Variants in MTCL1 observed in about 807,000 individuals in gnomAD.
The protein encoded by MTCL1 is microtubule crosslinking factor 1.
In MTCL1, 79 loss-of-function variants were observed where a neutral mutation model predicts 141.4. That is an observed-to-expected ratio of 0.56 (90% CI 0.47 to 0.67). The LOEUF is 0.67. Ranked by LOEUF, MTCL1 falls within the 30% of genes least tolerant of loss-of-function variation. The pLI is 0.00. For synonymous variants in MTCL1, 914 were observed against 875.8 expected (o/e 1.04, Z -0.77); for missense variants, 2,177 against 2,113.9 (o/e 1.03, Z -0.59).
chr18:8,787,883 T>C (rs2075573056), intron 7 of MTCL1, among the ~76,000 whole-genome samples: 1 of 152,230 alleles, frequency 6.6e-6, no homozygotes, highest in South Asian at 2.1e-4. Context: ...AGAAGCTGGA[T>C]GTGGATCTGT....
intron 10 of MTCL1, among the ~76,000 whole-genome samples, chr18:8,803,888 T>C (rs1337169985): frequency 6.6e-6 from 1 of 152,256 alleles, no homozygotes; most frequent in Non-Finnish European, 1.5e-5. Flanking sequence ...TGTACAGTTC[T>C]GATTCTAATG....
chr18:8,783,424 T>G, intron 5 of MTCL1, 106 bp from the exon 5 acceptor site: 2 of 1,031,650 alleles, frequency 1.9e-6, no homozygotes, highest in Non-Finnish European at 2.8e-6. Context: ...AAGATCGGTG[T>G]TTGATGTTTG....
At position 8,819,092 on chromosome 18, in the gene MTCL1, G is replaced by A. The variant is rs757062320; in HGVS notation, c.2989G>A (p.Asp997Asn). 1.5e-5 allele frequency: 24 copies of A among 1,614,124 alleles called. 1 individual carries two copies. In the South Asian group the frequency reaches 2.6e-4, roughly 18 times the overall value. The change falls in exon 13 of 17, where the codon GAT becomes AAT. Residue 997 changes from aspartate (D) to asparagine (N), a missense_variant. Physicochemically the swap from Asp to Asn is conservative, Grantham distance 23 (BLOSUM62 1). Transcript: ENST00000359865. ...TCCAGTGGCCATGTGGCCTTGTGCAGATGCTGACTCCATCCCGTTTGAAGA... is the reference window on the plus strand; with the variant it reads ...TCCAGTGGCCATGTGGCCTTGTGCAAATGCTGACTCCATCCCGTTTGAAGA...
chr18:8,792,402 CAT>C (rs939770808), intron 7 of MTCL1, among the ~76,000 whole-genome samples: 2 of 152,198 alleles, frequency 1.3e-5, no homozygotes, highest in Non-Finnish European at 2.9e-5. Flanking sequence ...CTGTAGACAA[CAT>C]GTGCCGTTGG....
At chr18:8,811,736 G>C (rs1266425359) in intron 11 of MTCL1, among the ~76,000 whole-genome samples, 1 of 151,972 alleles carries the variant, frequency 6.6e-6, no homozygotes, top group African/African-American at 2.4e-5. Context: ...AAATAAACTG[G>C]GAATAAGGAT....
At chr18:8,787,894 C>T (rs888380869) in intron 7 of MTCL1, among the ~76,000 whole-genome samples, 9 of 152,180 alleles carry the variant, frequency 5.9e-5, no homozygotes, top group African/African-American at 1.4e-4. Flanking sequence ...GTGGATCTGT[C>T]GCAGAGCCTG....
chr18:8,756,509 A>G (rs759565523), intron 4 of MTCL1, among the ~76,000 whole-genome samples: 57 of 151,302 alleles, frequency 3.8e-4, no homozygotes, highest in South Asian at 1.9e-3. Flanking sequence ...ATGTGTGTAT[A>G]TATATGTGTG....
chr18:8,822,404 G>T lies in MTCL1; in HGVS notation c.3188+906G>T, dbSNP rs138898402. Among the ~76,000 whole-genome samples, 345 of 152,316 alleles carry T rather than the reference G, an allele frequency of 2.3e-3. No homozygotes were observed. Among genetic ancestry groups the T allele is most frequent in the African/African-American group, 7.4e-3 (309 of 41,566 alleles). ...CTGCCCCCTGGGTTCAAGCAATTCT[G>T]CATCAGCCTCCCAAGTAGCTGGGAT... On this transcript the variant is annotated intron_variant, in intron 14 of 16. Transcript: ENST00000359865. This position sits in a 1 kb window ranked among gnomAD's most constrained non-coding sequence, Gnocchi z 4.6.
Position 8,809,635 on chromosome 18 carries a change from A to T in MTCL1, c.2604+2575A>T, listed in dbSNP as rs2076413680. The T allele has an allele frequency of 2.0e-6, 3 of 1,523,672 alleles. No individual in the cohort carries two copies. In the South Asian group the frequency reaches 3.6e-5, roughly 18 times the overall value. The allele number at this position is 1,523,672 out of a possible 1,614,324, so 94.4% of individuals were successfully genotyped here. A position where few individuals can be genotyped will look rare whatever the true frequency, so the allele number is the denominator to read the frequency against. Reference sequence around the variant, plus strand: ...GAGGGCACACACCTGAAAAAAACGGAGCAAGTAGAGAGTGGCCGGGCCTGG... The same window carrying T: ...GAGGGCACACACCTGAAAAAAACGGTGCAAGTAGAGAGTGGCCGGGCCTGG... On this transcript the variant is annotated intron_variant, in intron 11 of 16. Coordinates refer to ENST00000359865, the Ensembl canonical transcript of MTCL1.
chr18:8,718,108 G>A, intron 2 of MTCL1: 2 of 690,678 alleles, frequency 2.9e-6, no homozygotes, highest in Non-Finnish European at 4.3e-6. Flanking sequence ...GAATTGAAAG[G>A]TTCAATTATC....
At chr18:8,708,631 G>A (rs1014529265) in intron 1 of MTCL1, among the ~76,000 whole-genome samples, 1 of 152,202 alleles carries the variant, frequency 6.6e-6, no homozygotes, top group Non-Finnish European at 1.5e-5. Flanking sequence ...GCTTTCCTCC[G>A]AGCACACTGC....
rs8089706 is a variant in MTCL1, at chr18:8,705,681, C to G, written c.21C>G (p.Pro7=). 31 of 1,199,368 alleles carry G rather than the reference C, an allele frequency of 2.6e-5. No homozygotes were observed. Among genetic ancestry groups the G allele is most frequent in the Non-Finnish European group, 3.1e-5 (30 of 966,978 alleles). The allele number at this position is 1,199,368 out of a possible 1,614,324, so 74.3% of individuals were successfully genotyped here. Residue 7 remains proline (P), a synonymous_variant, in exon 1 of 14, where the codon CCC becomes CCG. Transcript: ENST00000306329. This position sits in a 1 kb window ranked among gnomAD's most constrained non-coding sequence, Gnocchi z 5.2. ...CGGCCATGGAGACACTGAACGGCCC[C>G]GCGGGCGGAGGTGCCCCGGACGCGA...
intron 3 of MTCL1, 133 bp from the exon 3 acceptor site, chr18:8,720,205 T>A: frequency 1.3e-6 from 1 of 785,564 alleles, no homozygotes. Flanking sequence ...AATAAGTCAG[T>A]TGTGTATTGC....
At chr18:8,802,871 G>A (rs953695892) in intron 10 of MTCL1, among the ~76,000 whole-genome samples, 7 of 152,160 alleles carry the variant, frequency 4.6e-5, no homozygotes, top group African/African-American at 1.7e-4. Context: ...CAAGCTAAAA[G>A]GTTGCACGGC....
chr18:8,707,538 C>T (rs910401827), intron 1 of MTCL1: 2 of 152,798 alleles, frequency 1.3e-5, no homozygotes, highest in Non-Finnish European at 2.9e-5. Flanking sequence ...GTGCTGCAGA[C>T]GGGGTTCCCG....
At chr18:8,706,172 C>T in exon 1 of MTCL1, 1 of 1,223,056 alleles carries the variant, frequency 8.2e-7, no homozygotes, top group Non-Finnish European at 1.0e-6. Flanking sequence ...GCGCCACCCG[C>T]CCGCACCGTC....
exon 1 of MTCL1, chr18:8,706,141 A>C: frequency 8.2e-7 from 1 of 1,217,774 alleles, no homozygotes; most frequent in East Asian, 3.3e-5. Flanking sequence ...CAAGGGCCGC[A>C]AAGCCAAGCG....
At chr18:8,738,315 C>T (rs2096284140) in intron 4 of MTCL1, among the ~76,000 whole-genome samples, 1 of 152,216 alleles carries the variant, frequency 6.6e-6, no homozygotes, top group Non-Finnish European at 1.5e-5. Flanking sequence ...GGGTATTACA[C>T]ATGTGTTTAC....
At chr18:8,727,180 A>G (rs1295433013) in intron 4 of MTCL1, among the ~76,000 whole-genome samples, 1 of 151,672 alleles carries the variant, frequency 6.6e-6, no homozygotes, top group African/African-American at 2.4e-5. Flanking sequence ...TATATACCAC[A>G]CTTTCTTTAT....
Sources: gnomAD v4.1 joint callset for allele counts (sites outside exome capture counted in the v4.1 genomes callset) on GRCh38, gnomAD v4.1.1 for gene constraint, Gnocchi (gnomAD v3.1) non-coding constraint, MANE v1.5 for transcripts, NCBI Gene and HGNC (gene_info 2026-07-23, HGNC 2026-07-21) for gene names.